FAM133B: variants seen among roughly 807,000 people sequenced by gnomAD.
The protein encoded by FAM133B is family with sequence similarity 133 member B, also known as protein FAM133B.
Under a neutral mutation model 46.4 loss-of-function variants are expected in FAM133B, and 25 were observed. The ratio of observed to expected loss-of-function variants is 0.54; its 90% CI spans 0.39 to 0.75. FAM133B has a LOEUF of 0.75. Among genes scored for constraint, FAM133B ranks in the 30% least tolerant of loss-of-function variants. FAM133B has a pLI of 0.00. For missense variants in FAM133B, 205 were observed against 277.6 expected (o/e 0.74, Z 1.86); for synonymous variants, 75 against 86.0 (o/e 0.87, Z 0.71).
At chr7:92,562,989 A>C (rs1344495369) in intron 10 of FAM133B, among the ~76,000 whole-genome samples, 1 of 152,230 alleles carries the variant, frequency 6.6e-6, no homozygotes, top group Non-Finnish European at 1.5e-5. Flanking sequence ...CGGTAGAAGT[A>C]GTTAAACTGT....
rs1175155423 is a variant in FAM133B at position 92,581,562 on chromosome 7, T to A, written c.66A>T (p.Pro22=). ...NPIAMARSRG[P]IQSSGPTIQD... ...GTATTGTTGGCCCTGAAGACTGGAT[T>A]GGACCCCTTGATCTCGCCATTGCTA... Residue 22 remains proline (P), a synonymous_variant, in exon 2 of 11, where the codon CCA becomes CCT. Transcript: ENST00000445716. 1 of 1,613,942 alleles carries A rather than the reference T, an allele frequency of 6.2e-7. No homozygotes were observed. The highest frequency in any genetic ancestry group is 1.7e-5 in the Admixed American group (1 of 60,020).
Position 92,561,228 on chromosome 7 carries a change from G to A in FAM133B, c.*1054C>T, listed in dbSNP as rs1181659836. ...GTTTTTTTTTTTTAATCAAAACCCTGCTTTTTACATGCTAAATATCTTGGC... is the reference window on the plus strand; with the variant it reads ...GTTTTTTTTTTTTAATCAAAACCCTACTTTTTACATGCTAAATATCTTGGC... On this transcript the variant is annotated 3_prime_UTR_variant, in exon 11 of 11. Transcript: ENST00000445716. 1 of 141,908 alleles carries A rather than the reference G, an allele frequency of 7.0e-6. No homozygotes were observed. The highest frequency in any genetic ancestry group is 7.2e-5 in the Admixed American group (1 of 13,846). The allele number at this position is 141,908 out of a possible 1,614,324, so 8.8% of individuals were successfully genotyped here. A position where few individuals can be genotyped will look rare whatever the true frequency, so the allele number is the denominator to read the frequency against.
At chr7:92,582,259 A>ATAACT in intron 1 of FAM133B, among the ~76,000 whole-genome samples, 2 of 68,180 alleles carry the variant, frequency 2.9e-5, no homozygotes, top group Non-Finnish European at 6.5e-5. Context: ...AATAAAATAA[A>ATAACT]TAACATAACA....
chr7:92,568,379 T>A (rs1406837208), intron 9 of FAM133B, among the ~76,000 whole-genome samples: 1 of 152,104 alleles, frequency 6.6e-6, no homozygotes, highest in Non-Finnish European at 1.5e-5. Context: ...TTGATTGAGA[T>A]GGAGTTTCAC....
intron 8 of FAM133B, among the ~76,000 whole-genome samples, chr7:92,573,267 A>C (rs1794591407): frequency 6.7e-6 from 1 of 150,354 alleles, no homozygotes; most frequent in African/African-American, 2.5e-5. Context: ...TTCTGGGCTT[A>C]AGTGATCCTC....
At chr7:92,577,573 C>T in intron 6 of FAM133B, 82 bp downstream of exon 6, 1 of 1,183,242 alleles carries the variant, frequency 8.5e-7, no homozygotes, top group Non-Finnish European at 1.2e-6. Flanking sequence ...ACATTTCTAA[C>T]AGATATTTCA....
chr7:92,566,746 G>C (rs969857196), intron 9 of FAM133B, among the ~76,000 whole-genome samples: 70 of 152,288 alleles, frequency 4.6e-4, no homozygotes, highest in African/African-American at 1.6e-3. Context: ...CCACCCTCAA[G>C]GGGAAGTGCC....
intron 3 of FAM133B, among the ~76,000 whole-genome samples, 154 bp from the exon 4 acceptor site, chr7:92,578,547 C>T (rs1226422702): frequency 1.3e-5 from 2 of 152,168 alleles, no homozygotes; most frequent in Non-Finnish European, 2.9e-5. Flanking sequence ...AGGTGCCAAT[C>T]CTTGACCCTA....
chr7:92,590,078 TG>T, intron 1 of FAM133B, 189 bp downstream of exon 1: 1 of 712,466 alleles, frequency 1.4e-6, no homozygotes, highest in South Asian at 1.9e-5. Context: ...AAGAGAGAGC[TG>T]GGAACCCTAA....
intron 10 of FAM133B, among the ~76,000 whole-genome samples, chr7:92,563,278 TC>T (rs1405413822): frequency 2.6e-5 from 4 of 152,198 alleles, no homozygotes; most frequent in African/African-American, 9.7e-5. Flanking sequence ...AAGCTAATTT[TC>T]AACATTCTTT....
chr7:92,590,180 C>T, intron 1 of FAM133B, 88 bp downstream of exon 1: 1 of 1,606,440 alleles, frequency 6.2e-7, no homozygotes, highest in Non-Finnish European at 8.5e-7. Flanking sequence ...GCCGCTTGCC[C>T]TCCGGCCCGG....
chr7:92,565,822 G>C (rs1794330608), intron 10 of FAM133B, 192 bp downstream of exon 10: 5 of 599,096 alleles, frequency 8.3e-6, no homozygotes, highest in Non-Finnish European at 1.5e-5. Context: ...CTTGCTACCA[G>C]GGTATTTTTT....
Position 92,562,280 on chromosome 7 carries a change from T to C in FAM133B, c.*2A>G, listed in dbSNP as rs758351783. The C allele has an allele frequency of 6.5e-7, 1 of 1,529,536 alleles. No individual in the cohort carries two copies. The highest frequency in any genetic ancestry group is 1.2e-5 in the South Asian group (1 of 81,594). 94.7% of individuals were successfully genotyped at this position (1,529,536 alleles called of 1,614,324 possible). On this transcript the variant is annotated 3_prime_UTR_variant, in exon 11 of 11. Transcript: ENST00000445716. ...ATAAGGGAATCCTGATTTTTCTTAA[T>C]GTTATGGTGAGTCAGGACTTGAACT...
Position 92,590,266 on chromosome 7 carries a change from A to G in FAM133B, c.24+2T>C, listed in dbSNP as rs1286173912. On this transcript the variant is annotated splice_donor_variant, in intron 1 of 10. Coordinates refer to ENST00000445716, the MANE Select transcript of FAM133B (RefSeq NM_152789.4). LOFTEE classifies it high-confidence loss of function. ...CCACTGTTTTCCCGGCTGAGTACTCACCACCCGATTGTCCCGCTTCCCCAT... is the reference window on the plus strand; with the variant it reads ...CCACTGTTTTCCCGGCTGAGTACTCGCCACCCGATTGTCCCGCTTCCCCAT... 1 of 1,613,384 alleles carries G rather than the reference A, an allele frequency of 6.2e-7. No homozygotes were observed. Among genetic ancestry groups the G allele is most frequent in the Non-Finnish European group, 8.5e-7 (1 of 1,179,646 alleles).
intron 2 of FAM133B, among the ~76,000 whole-genome samples, chr7:92,580,287 A>G (rs75760351): frequency 0.13 from 19,155 of 150,864 alleles, 1,278 homozygotes; most frequent in African/African-American, 0.16. Flanking sequence ...TAGAGACAGC[A>G]TCTTGCTACG....
At chr7:92,590,083 A>C in intron 1 of FAM133B, 185 bp downstream of exon 1, 1 of 727,260 alleles carries the variant, frequency 1.4e-6, no homozygotes, top group South Asian at 1.9e-5. Flanking sequence ...AGAGCTGGGA[A>C]CCCTAAAGCG....
intron 7 of FAM133B, 60 bp from the exon 8 acceptor site, chr7:92,575,881 G>T: frequency 1.3e-6 from 1 of 748,566 alleles, no homozygotes; most frequent in African/African-American, 1.8e-5. Flanking sequence ...TACAGAACAA[G>T]GACAAAAACA....
intron 1 of FAM133B, among the ~76,000 whole-genome samples, chr7:92,589,075 G>A (rs940949772): frequency 7.2e-5 from 11 of 152,218 alleles, no homozygotes; most frequent in Non-Finnish European, 1.6e-4. Flanking sequence ...CTCCTTTGGT[G>A]TGAGACACAC....
At position 92,589,955 on chromosome 7, in the gene FAM133B, C is replaced by G. The variant is rs1045402280; in HGVS notation, c.24+313G>C. On this transcript the variant is annotated intron_variant, in intron 1 of 10. Coordinates refer to ENST00000445716, the MANE Select transcript of FAM133B (RefSeq NM_152789.4). The stretch of plus-strand genomic sequence containing the variant: ...GCGGGGCCAGGTGTGGGGGGGGTTC[C>G]CCGAGCCCTCGCGGTTCTAAGTGGG... The G allele has an allele frequency of 6.5e-6, 3 of 462,510 alleles. No individual in the cohort carries two copies. In the South Asian group the frequency reaches 8.2e-5, roughly 13 times the overall value. 28.7% of individuals were successfully genotyped at this position (462,510 alleles called of 1,614,324 possible).
Sources: allele counts gnomAD v4.1 joint callset (sites outside exome capture counted in the v4.1 genomes callset), GRCh38; gene constraint gnomAD v4.1.1; transcripts MANE v1.5; gene names NCBI Gene and HGNC (gene_info 2026-07-23, HGNC 2026-07-21).